The following CHRM5 variants were observed in gnomAD, a reference collection of about 807,000 sequenced individuals.
CHRM5 encodes the protein cholinergic receptor muscarinic 5.
In CHRM5, 18 loss-of-function variants were observed where a neutral mutation model predicts 39.0. The observed-to-expected ratio is 0.46, with a 90% CI of 0.32 to 0.68. CHRM5 has a LOEUF of 0.68. Among genes scored for constraint, CHRM5 ranks in the 30% least tolerant of loss-of-function variants. The pLI is 0.04. For missense variants in CHRM5, 515 were observed against 651.1 expected, an observed-to-expected ratio of 0.79 and a Z score of 2.28; for synonymous variants, 241 against 246.3, an observed-to-expected ratio of 0.98 and a Z score of 0.20.
intron 1 of CHRM5, among the ~76,000 whole-genome samples, chr15:34,006,408 C>CT (rs1897345637): frequency 6.6e-6 from 1 of 152,050 alleles, no homozygotes; most frequent in South Asian, 2.1e-4. Flanking sequence ...ATTCAATATT[C>CT]TTTTGTTGGC....
chr15:34,021,656 A>C (rs1010760614), intron 1 of CHRM5, among the ~76,000 whole-genome samples: 2 of 151,954 alleles, frequency 1.3e-5, no homozygotes, highest in African/African-American at 4.8e-5. Context: ...GGAGTTTGAG[A>C]CCAGCCTGGC....
chr15:34,051,868 G>GA (rs1337859080), intron 2 of CHRM5, among the ~76,000 whole-genome samples: 44 of 145,692 alleles, frequency 3.0e-4, no homozygotes, highest in East Asian at 1.0e-3. Flanking sequence ...ACCAAAAAAA[G>GA]AAAAAAAAAA....
intron 1 of CHRM5, among the ~76,000 whole-genome samples, chr15:34,000,519 G>A (rs1214554292): frequency 6.6e-6 from 1 of 152,126 alleles, no homozygotes; most frequent in Non-Finnish European, 1.5e-5. Context: ...GTTTATGATT[G>A]CACACCTAAG....
chr15:33,978,987 A>G (rs1395331669), intron 1 of CHRM5, among the ~76,000 whole-genome samples: 1 of 152,054 alleles, frequency 6.6e-6, no homozygotes, highest in Non-Finnish European at 1.5e-5. Context: ...CAGACAATAA[A>G]TGGGACCTAC....
intron 1 of CHRM5, among the ~76,000 whole-genome samples, chr15:34,014,577 A>G (rs1418724130): frequency 6.6e-6 from 1 of 152,126 alleles, no homozygotes; most frequent in African/African-American, 2.4e-5. Flanking sequence ...ACAAATCACC[A>G]ATAGTCACAA....
At chr15:33,981,858 G>A (rs532597288) in intron 1 of CHRM5, among the ~76,000 whole-genome samples, 2 of 151,830 alleles carry the variant, frequency 1.3e-5, no homozygotes, top group South Asian at 2.1e-4. Flanking sequence ...TTTTTGAAAC[G>A]GAGTCTCACT....
At chr15:34,041,882 G>A (rs1899489592) in intron 1 of CHRM5, among the ~76,000 whole-genome samples, 1 of 152,124 alleles carries the variant, frequency 6.6e-6, no homozygotes, top group African/African-American at 2.4e-5. Context: ...CAGAATCCAT[G>A]CCTGTAAGTC....
chr15:34,017,136 A>G (rs1002223579), intron 1 of CHRM5, among the ~76,000 whole-genome samples: 5 of 151,828 alleles, frequency 3.3e-5, no homozygotes, highest in Non-Finnish European at 5.9e-5. Flanking sequence ...TCAAGGGGGA[A>G]AAAAAAAGGT....
chr15:33,970,576 T>C (rs1391934486), intron 1 of CHRM5, among the ~76,000 whole-genome samples: 1 of 151,964 alleles, frequency 6.6e-6, no homozygotes, highest in Non-Finnish European at 1.5e-5. Context: ...TCCCTCCTTA[T>C]TATGGTATTA....
intron 1 of CHRM5, among the ~76,000 whole-genome samples, chr15:34,017,773 C>A (rs1471207025): frequency 6.6e-6 from 1 of 152,156 alleles, no homozygotes; most frequent in African/African-American, 2.4e-5. Flanking sequence ...AGCCACTGAG[C>A]CTGGCCAGTA....
chr15:34,008,258 G>A (rs1243967434), intron 1 of CHRM5, among the ~76,000 whole-genome samples: 3 of 151,398 alleles, frequency 2.0e-5, no homozygotes, highest in Admixed American at 6.6e-5. Context: ...CTATCTCCAC[G>A]AAAAAGATAA....
intron 2 of CHRM5, among the ~76,000 whole-genome samples, chr15:34,050,960 A>AAG (rs778454116): frequency 2.0e-5 from 3 of 152,180 alleles, no homozygotes; most frequent in Admixed American, 6.5e-5. Flanking sequence ...AAAATTAACA[A>AAG]TGATATTCAG....
intron 1 of CHRM5, among the ~76,000 whole-genome samples, chr15:34,032,023 G>GCGCACACACACA (rs1555518610): frequency 6.7e-6 from 1 of 148,944 alleles, no homozygotes. Flanking sequence ...GCGCGCACAC[G>GCGCACACACACA]CACACACACA....
In CHRM5 at chr15:34,064,025, A is replaced by G; in HGVS notation, c.1308A>G (p.Lys436=). The G allele has an allele frequency of 6.2e-7, 1 of 1,614,194 alleles. No homozygotes were observed. The highest frequency in any genetic ancestry group is 8.5e-7 in the Non-Finnish European group (1 of 1,180,036). ...AACGAAAGAGAGTGGTCCTAGTCAA[A>G]GAGAGGAAAGCAGCCCAGACACTGA... ...MTKRKRVVLV[K]ERKAAQTLSA... Residue 436 remains lysine, a synonymous_variant, in exon 3 of 3, where the codon AAA becomes AAG. Coordinates refer to ENST00000383263, the MANE Select transcript of CHRM5 (RefSeq NM_012125.4).
intron 2 of CHRM5, among the ~76,000 whole-genome samples, chr15:34,056,323 A>C (rs1900147139): frequency 3.3e-5 from 5 of 152,216 alleles, no homozygotes; most frequent in Admixed American, 2.0e-4. Flanking sequence ...TTTTAGCCGA[A>C]ATTAGAACTC....
chr15:33,979,664 T>G (rs1896049713), intron 1 of CHRM5, among the ~76,000 whole-genome samples: 1 of 152,220 alleles, frequency 6.6e-6, no homozygotes, highest in African/African-American at 2.4e-5. Flanking sequence ...GTTTTCAGAA[T>G]GAACATTCTA....
At chr15:34,035,594 G>A (rs1051209427) in intron 1 of CHRM5, among the ~76,000 whole-genome samples, 5 of 151,966 alleles carry the variant, frequency 3.3e-5, no homozygotes, top group Admixed American at 2.6e-4. Flanking sequence ...GTTATTTAAC[G>A]GTGCCTCAGC....
In CHRM5 at chr15:34,062,898, C is replaced by T. The variant is rs764211174; in HGVS notation, c.181C>T (p.Leu61Phe). Residue 61 changes from leucine (L) to phenylalanine (F), a missense_variant, in exon 3 of 3, where the codon CTC (leucine) becomes TTC (phenylalanine). Transcript: ENST00000383263. ...VMISFKVNSQ[L>F]KTVNNYYLLS... ...GATCTCCTTCAAAGTCAACAGCCAG[C>T]TCAAGACAGTTAACAACTATTACCT... The T allele has an allele frequency of 1.2e-6, 2 of 1,614,226 alleles. No homozygotes were observed. The highest frequency in any genetic ancestry group is 2.2e-5 in the East Asian group (1 of 44,884).
chr15:33,992,528 C>T (rs1456390993), intron 1 of CHRM5, among the ~76,000 whole-genome samples: 1 of 151,996 alleles, frequency 6.6e-6, no homozygotes, highest in Non-Finnish European at 1.5e-5. Context: ...CCCTGTCAGC[C>T]AGAACAAATT....
Sources: gnomAD v4.1 joint callset for allele counts (sites outside exome capture counted in the v4.1 genomes callset) on GRCh38, gnomAD v4.1.1 for gene constraint, MANE v1.5 for transcripts, NCBI Gene and HGNC (gene_info 2026-07-23, HGNC 2026-07-21) for gene names.